Variants in ART1 observed in about 807,000 individuals in gnomAD.
ART1 encodes the protein GPI-linked NAD(P)(+)--arginine ADP-ribosyltransferase 1.
Under a neutral mutation model 27.0 loss-of-function variants are expected in ART1, and 29 were observed. The ratio of observed to expected loss-of-function variants is 1.08; its 90% confidence interval spans 0.80 to 1.47. The LOEUF (loss-of-function observed/expected upper bound fraction) is 1.47. ART1 is among the 40% of genes most tolerant of loss of function. The pLI is 0.00. For missense variants in ART1, 480 were observed against 423.0 expected, an observed-to-expected ratio of 1.13 and a Z score of -1.18; for synonymous variants, 201 against 172.2, an observed-to-expected ratio of 1.17 and a Z score of -1.31.
chr11:3,658,072 C>G (rs943054134), intron 1 of ART1, among the ~76,000 whole-genome samples: 1 of 152,044 alleles, frequency 6.6e-6, no homozygotes, highest in Admixed American at 6.5e-5. Flanking sequence ...GTGGCTCACA[C>G]CTGTAATCCC....
chr11:3,657,138 A>G (rs953380097), intron 1 of ART1, among the ~76,000 whole-genome samples: 2 of 152,184 alleles, frequency 1.3e-5, no homozygotes, highest in African/African-American at 4.8e-5. Context: ...CCTAAATGAG[A>G]TTGGGGGCAG....
At chr11:3,656,760 G>A (rs2077579621) in intron 1 of ART1, among the ~76,000 whole-genome samples, 1 of 152,136 alleles carries the variant, frequency 6.6e-6, no homozygotes, top group Admixed American at 6.6e-5. Flanking sequence ...CCAAAGTGCT[G>A]GGATTACAGG....
intron 1 of ART1, chr11:3,655,444 T>G (rs941406176): frequency 6.6e-5 from 10 of 152,352 alleles, no homozygotes; most frequent in African/African-American, 2.2e-4. Context: ...GGTTGAAGGC[T>G]GTCCTTGAGA....
At chr11:3,649,016 C>A (rs144318211) in intron 1 of ART1, among the ~76,000 whole-genome samples, 1 of 151,722 alleles carries the variant, frequency 6.6e-6, no homozygotes, top group Non-Finnish European at 1.5e-5. Flanking sequence ...CCCTTATTTC[C>A]GTGCCCCGAC....
At chr11:3,655,045 T>C (rs1376544793) in intron 1 of ART1, among the ~76,000 whole-genome samples, 1 of 152,206 alleles carries the variant, frequency 6.6e-6, no homozygotes, top group Admixed American at 6.5e-5. Flanking sequence ...CCCAGGCTCA[T>C]GGTCTTTGGG....
At chr11:3,661,148 C>T (rs1410886658) in intron 3 of ART1, among the ~76,000 whole-genome samples, 2 of 152,062 alleles carry the variant, frequency 1.3e-5, no homozygotes, top group Non-Finnish European at 2.9e-5. Context: ...GCAGGAGTGC[C>T]CCAGAGTAGA....
chr11:3,661,430 C>T lies in ART1; in HGVS notation c.886+17C>T, dbSNP rs200899693. ...ATAATTCAGGTAAGGGCTGCAGGCACCTGTGGGACTCAGTTCAGGGATGAG... is the reference window on the plus strand; with the variant it reads ...ATAATTCAGGTAAGGGCTGCAGGCATCTGTGGGACTCAGTTCAGGGATGAG... On this transcript the variant is annotated intron_variant, in intron 4 of 4. Transcript: ENST00000250693. The T allele has an allele frequency of 1.2e-5, 20 of 1,606,488 alleles. No homozygotes were observed. Among genetic ancestry groups the T allele is most frequent in the African/African-American group, 8.0e-5 (6 of 74,538 alleles).
At chr11:3,648,883 G>T (rs562555191) in intron 1 of ART1, among the ~76,000 whole-genome samples, 1 of 151,774 alleles carries the variant, frequency 6.6e-6, no homozygotes, top group Admixed American at 6.6e-5. Context: ...TTCACCCTTA[G>T]CGGCAAGTCC....
chr11:3,663,292 G>A (rs1014489358), intron 4 of ART1, among the ~76,000 whole-genome samples: 6 of 152,162 alleles, frequency 3.9e-5, no homozygotes, highest in African/African-American at 1.4e-4. Flanking sequence ...AGGACAAGAA[G>A]CCAGGTTTCC....
intron 1 of ART1, among the ~76,000 whole-genome samples, chr11:3,648,827 C>T (rs1382869857): frequency 6.6e-6 from 1 of 152,030 alleles, no homozygotes. Context: ...TCTACCCCTT[C>T]TCTGCTTTTC....
chr11:3,662,704 C>T (rs1392310227), intron 4 of ART1, among the ~76,000 whole-genome samples: 1 of 152,022 alleles, frequency 6.6e-6, no homozygotes, highest in African/African-American at 2.4e-5. Context: ...ATTAGCCGGG[C>T]GTGGTGGCGC....
chr11:3,653,731 C>G (rs986340919), intron 1 of ART1, among the ~76,000 whole-genome samples: 2 of 152,056 alleles, frequency 1.3e-5, no homozygotes, highest in Non-Finnish European at 2.9e-5. Flanking sequence ...CTTGATTTTT[C>G]CCTCTCTCAC....
chr11:3,653,832 T>C (rs111629952), intron 1 of ART1, among the ~76,000 whole-genome samples: 29 of 116,492 alleles, frequency 2.5e-4, no homozygotes, highest in Admixed American at 4.3e-4. Flanking sequence ...AGACATCAAG[T>C]CTTGTAAATT....
chr11:3,661,122 G>A (rs1035467935), intron 3 of ART1, among the ~76,000 whole-genome samples: 1 of 152,194 alleles, frequency 6.6e-6, no homozygotes, highest in African/African-American at 2.4e-5. Flanking sequence ...GGGAGGCAAA[G>A]TTATAGGCCC....
chr11:3,651,024 C>A (rs766403121), intron 1 of ART1, among the ~76,000 whole-genome samples: 4 of 152,042 alleles, frequency 2.6e-5, no homozygotes. Flanking sequence ...CCTTACCATT[C>A]CCCCATTTTA....
At chr11:3,658,473 T>A (rs927306746) in intron 1 of ART1, among the ~76,000 whole-genome samples, 3 of 152,136 alleles carry the variant, frequency 2.0e-5, no homozygotes, top group African/African-American at 7.2e-5. Flanking sequence ...GGAAGGCTTG[T>A]GGTTCCTGCT....
At chr11:3,653,573 T>G (rs987170282) in intron 1 of ART1, among the ~76,000 whole-genome samples, 1 of 152,136 alleles carries the variant, frequency 6.6e-6, no homozygotes, top group Non-Finnish European at 1.5e-5. Flanking sequence ...TGCACTCAGG[T>G]GATTAAAAGC....
intron 2 of ART1, 32 bp from the exon 3 acceptor site, chr11:3,659,551 C>G (rs1426032465): frequency 6.4e-7 from 1 of 1,553,122 alleles, no homozygotes; most frequent in Non-Finnish European, 8.7e-7. Flanking sequence ...AGGGGCCTAT[C>G]CTCTCAGTCC....
intron 1 of ART1, among the ~76,000 whole-genome samples, chr11:3,656,199 G>T (rs1357114577): frequency 1.3e-5 from 2 of 151,792 alleles, no homozygotes; most frequent in Admixed American, 6.6e-5. Context: ...CTCCCAGAGT[G>T]CTGGGATTAC....
Sources: allele counts gnomAD v4.1 joint callset (sites outside exome capture counted in the v4.1 genomes callset), GRCh38; gene constraint gnomAD v4.1.1; transcripts MANE v1.5; gene names NCBI Gene and HGNC (gene_info 2026-07-23, HGNC 2026-07-21).